ANKRD24: variants seen among roughly 807,000 people sequenced by gnomAD.
The protein encoded by ANKRD24 is ankyrin repeat domain-containing protein 24.
A neutral mutation model predicts 127.8 loss-of-function variants in ANKRD24; 109 were observed. The observed-to-expected ratio is 0.85, with a 90% confidence interval of 0.73 to 1.00. The LOEUF (loss-of-function observed/expected upper bound fraction) is 1.00. Among genes scored for constraint, ANKRD24 ranks in the 50% least tolerant of loss-of-function variants. The pLI is 0.00. For missense variants in ANKRD24, 1,648 were observed against 1,570.2 expected (o/e 1.05, Z -0.84); for synonymous variants, 743 against 671.1 (o/e 1.11, Z -1.66).
rs557990114 is a variant in ANKRD24 at position 4,216,824 on chromosome 19, A to C, written c.1664A>C (p.Lys555Thr). ...ELNGSVAPET[K>T]VNGAETIDEE... ...AATGGCTCAGTGGCTCCAGAAACCA[A>C]AGTTAACGGAGCCGAGACCATAGAT... Residue 555 changes from lysine (K) to threonine (T), a missense_variant, in exon 18 of 22, where the codon AAA becomes ACA. Coordinates refer to ENST00000318934, the MANE Select transcript of ANKRD24 (RefSeq NM_001393985.1). 2 of 1,608,528 alleles carry C rather than the reference A, an allele frequency of 1.2e-6. No homozygotes were observed. Among genetic ancestry groups the C allele is most frequent in the African/African-American group, 1.3e-5 (1 of 74,918 alleles).
At chr19:4,207,746 G>A (rs1409138321) in intron 9 of ANKRD24, 35 bp from the exon 10 acceptor site, 1 of 1,567,510 alleles carries the variant, frequency 6.4e-7, no homozygotes, top group Non-Finnish European at 8.7e-7. Context: ...CTTGGGGGAT[G>A]TTCTCATCTC....
rs117198027 is a variant in ANKRD24 at position 4,208,791 on chromosome 19, C to T, written c.860C>T (p.Ala287Val). Residue 287 changes from alanine to valine, a missense_variant, in exon 11 of 22, where the codon GCG (alanine) becomes GTG (valine). Ala to Val is a moderately conservative substitution (Grantham distance 64, BLOSUM62 0). Coordinates refer to ENST00000318934, the MANE Select transcript of ANKRD24 (RefSeq NM_001393985.1). Reference sequence around the variant, plus strand: ...CTCACAGAGGATGATTCAGGCGAGGCGTCATCTCAGGTATGGACCCCTAAG... The same window carrying T: ...CTCACAGAGGATGATTCAGGCGAGGTGTCATCTCAGGTATGGACCCCTAAG... ...SALTEDDSGE[A>V]SSQNSMSSHG... The T allele has an allele frequency of 0.023, 37,317 of 1,612,902 alleles. 492 individuals are homozygous for T. Among genetic ancestry groups the T allele is most frequent in the Non-Finnish European group, 0.027 (31,550 of 1,179,310 alleles).
Position 4,198,464 on chromosome 19 carries a change from G to GCACCCCC in ANKRD24, c.37-1218_37-1217insACCCCCC, listed in dbSNP as rs1968894620. ...CCGCCGCCTCCTCTTGGAACCCCGTGCGCCCCCCGCGCCCCGCGCCCCGGA... is the reference window on the plus strand; with the variant it reads ...CCGCCGCCTCCTCTTGGAACCCCGTGCACCCCCCGCCCCCCGCGCCCCGCGCCCCGGA... On this transcript the variant is annotated intron_variant, in intron 2 of 21. Coordinates refer to ENST00000318934, the MANE Select transcript of ANKRD24 (RefSeq NM_001393985.1). The surrounding 1 kb of genome is among the most constrained non-coding windows in gnomAD (Gnocchi z 6.1). 6.5e-6 allele frequency: 4 copies of GCACCCCC among 616,080 alleles called. No individual in the cohort carries two copies. Among genetic ancestry groups the GCACCCCC allele is most frequent in the South Asian group, 3.4e-5 (2 of 58,096 alleles). The allele number at this position is 616,080 out of a possible 1,614,324, so 38.2% of individuals were successfully genotyped here.
chr19:4,217,889 G>A lies in ANKRD24; in HGVS notation c.2729G>A (p.Arg910His), dbSNP rs1407278495. The A allele has an allele frequency of 1.4e-6, 2 of 1,471,530 alleles. No individual in the cohort carries two copies. Among genetic ancestry groups the A allele is most frequent in the South Asian group, 1.3e-5 (1 of 76,958 alleles). The allele number at this position is 1,471,530 out of a possible 1,614,324, so 91.2% of individuals were successfully genotyped here. The change falls in exon 18 of 22, where the codon CGC becomes CAC. Residue 910 changes from arginine to histidine, a missense_variant. Arg to His is a conservative substitution (Grantham distance 29). Transcript: ENST00000318934. Reference sequence around the variant, plus strand: ...CTGCGGGAGGCCTCCGAGGCCCTCCGCCAGTCCGTGGTGCCGGCCTCTGAG... The same window carrying A: ...CTGCGGGAGGCCTCCGAGGCCCTCCACCAGTCCGTGGTGCCGGCCTCTGAG... The part of the protein sequence containing the change: ...AELREASEAL[R>H]QSVVPASEHR...
chr19:4,217,948 C>T lies in ANKRD24; in HGVS notation c.2788C>T (p.Arg930Trp), dbSNP rs571444889. 1.5e-5 allele frequency: 22 copies of T among 1,506,472 alleles called. No homozygotes were observed. The African/African-American group carries it at 2.3e-4, about 16-fold the overall frequency. The allele number at this position is 1,506,472 out of a possible 1,614,324, so 93.3% of individuals were successfully genotyped here. ...RRLQEEALEL[R>W]GRAASLEQEV... ...GCTGCAGGAGGAGGCCCTGGAGCTGCGGGGCCGGGCAGCCAGTCTGGAGCA... is the reference window on the plus strand; with the variant it reads ...GCTGCAGGAGGAGGCCCTGGAGCTGTGGGGCCGGGCAGCCAGTCTGGAGCA... The change falls in exon 18 of 22, where the codon CGG (arginine) becomes TGG (tryptophan). Residue 930 changes from arginine (R) to tryptophan (W), a missense_variant. By Grantham distance (101) the Arg-to-Trp change is moderately radical (BLOSUM62 -3). Coordinates refer to ENST00000318934, the MANE Select transcript of ANKRD24 (RefSeq NM_001393985.1).
At chr19:4,191,674 G>A (rs1431182905) in intron 2 of ANKRD24, among the ~76,000 whole-genome samples, 1 of 151,570 alleles carries the variant, frequency 6.6e-6, no homozygotes, top group Non-Finnish European at 1.5e-5. Context: ...TAGAGACGGG[G>A]TTTCATCATG....
chr19:4,183,477 G>C, intron 1 of ANKRD24: 2 of 414,638 alleles, frequency 4.8e-6, no homozygotes, highest in Non-Finnish European at 6.5e-6. Context: ...CATGTGACCA[G>C]GTAATGGTGA....
Position 4,217,633 on chromosome 19 carries a change from G to A in ANKRD24, c.2473G>A (p.Ala825Thr). 3 of 1,287,170 alleles carry A rather than the reference G, an allele frequency of 2.3e-6. No individual in the cohort carries two copies. The highest frequency in any genetic ancestry group is 2.9e-6 in the Non-Finnish European group (3 of 1,020,904). 79.7% of individuals were successfully genotyped at this position (1,287,170 alleles called of 1,614,324 possible). The change falls in exon 18 of 22, where the codon GCG becomes ACG. Residue 825 changes from alanine to threonine, a missense_variant. By Grantham distance (58) the Ala-to-Thr change is moderately conservative (BLOSUM62 0). Coordinates refer to ENST00000318934, the MANE Select transcript of ANKRD24 (RefSeq NM_001393985.1). ...TGAGGCTCGGGCCAGCCGGCTGCTG[G>A]CGGAGGAGGAGGCGCGGGGCCTGCG... ...LDEARASRLLAEEEARGLRAE... is the reference protein window; with the variant it reads ...LDEARASRLLTEEEARGLRAE...
At chr19:4,189,243 CT>C (rs398033749) in intron 2 of ANKRD24, among the ~76,000 whole-genome samples, 225 of 73,942 alleles carry the variant, frequency 3.0e-3, no homozygotes, top group African/African-American at 9.7e-3. Context: ...TTTCTTTCTT[CT>C]TTTTTTTTTT....
rs948661437 is a variant in ANKRD24 at position 4,217,095 on chromosome 19, AAAAGCAGAG to A, written c.1936_1944del (p.Lys646_Glu648del). Reference sequence around the variant, plus strand: ...CCATGGGGGTGGAGGCCACAAAAACAAAAGCAGAGGAAGCAGAAATGCAGGCCTACGGAG... The same window carrying A: ...CCATGGGGGTGGAGGCCACAAAAACAGAAGCAGAAATGCAGGCCTACGGAG... On this transcript the variant is annotated inframe_deletion, in exon 18 of 22. Coordinates refer to ENST00000318934, the MANE Select transcript of ANKRD24 (RefSeq NM_001393985.1). The A allele has an allele frequency of 6.2e-7, 1 of 1,613,782 alleles. No individual in the cohort carries two copies.
Position 4,217,130 on chromosome 19 carries a change from T to G in ANKRD24, c.1970T>G (p.Val657Gly). 6.2e-7 allele frequency: 1 copy of G among 1,612,048 alleles called. No homozygotes were observed. Among genetic ancestry groups the G allele is most frequent in the South Asian group, 1.1e-5 (1 of 90,938 alleles). Residue 657 changes from valine (V) to glycine (G), a missense_variant, in exon 18 of 22, where the codon GTG becomes GGG. Transcript: ENST00000318934. ...GAAGCAGAAATGCAGGCCTACGGAGTGGGTGCTGGGCAAGCAGAGCCCCCA... is the reference window on the plus strand; with the variant it reads ...GAAGCAGAAATGCAGGCCTACGGAGGGGGTGCTGGGCAAGCAGAGCCCCCA... ...AEEAEMQAYG[V>G]GAGQAEPPVT...
rs1011098183 is a variant in ANKRD24 at position 4,198,085 on chromosome 19, G to A, written c.37-1598G>A. 1 of 449,648 alleles carries A rather than the reference G, an allele frequency of 2.2e-6. No individual in the cohort carries two copies. Among genetic ancestry groups the A allele is most frequent in the Non-Finnish European group, 4.0e-6 (1 of 251,970 alleles). The allele number at this position is 449,648 out of a possible 1,614,324, so 27.9% of individuals were successfully genotyped here. ...ACGTCGCGGGCCCGGAGGCACCTGC[G>A]CGCCCTTGGCCGACTCGGAGGAGGT... On this transcript the variant is annotated intron_variant, in intron 2 of 21. Coordinates refer to ENST00000318934, the MANE Select transcript of ANKRD24 (RefSeq NM_001393985.1). The surrounding 1 kb of genome is among the most constrained non-coding windows in gnomAD (Gnocchi z 6.1).
intron 5 of ANKRD24, among the ~76,000 whole-genome samples, chr19:4,200,377 G>C (rs992543894): frequency 6.6e-6 from 1 of 152,172 alleles, no homozygotes; most frequent in Admixed American, 6.6e-5. Flanking sequence ...GGCTGGCACC[G>C]AGCAAAGCCA....
At chr19:4,190,161 C>T (rs1968301865) in intron 2 of ANKRD24, among the ~76,000 whole-genome samples, 1 of 152,136 alleles carries the variant, frequency 6.6e-6, no homozygotes, top group African/African-American at 2.4e-5. Context: ...ATAGGCTGGG[C>T]GTGGTGGCTC....
At chr19:4,213,750 G>A (rs568461994) in intron 15 of ANKRD24, among the ~76,000 whole-genome samples, 11 of 152,066 alleles carry the variant, frequency 7.2e-5, no homozygotes, top group Non-Finnish European at 1.5e-4. Context: ...CCTGCCTACC[G>A]CAGCCTCCCG....
rs72980936 is a variant in ANKRD24 at position 4,210,385 on chromosome 19, C to T, written c.1059+13C>T. 631,720 of 1,530,828 alleles carry T rather than the reference C, an allele frequency of 0.41. 131,989 individuals are homozygous for T. Among genetic ancestry groups the T allele is most frequent in the Non-Finnish European group, 0.43 (492,034 of 1,139,156 alleles). The allele number at this position is 1,530,828 out of a possible 1,614,324, so 94.8% of individuals were successfully genotyped here. ...GAGGCAGCAGGAGGTTAGGAGGCCT[C>T]GGAGATTTGGGCGTGGGCCAGCCTG... is the stretch of plus-strand genomic sequence containing the variant. On this transcript the variant is annotated intron_variant, in intron 13 of 21. Coordinates refer to ENST00000318934, the MANE Select transcript of ANKRD24 (RefSeq NM_001393985.1).
Position 4,217,049 on chromosome 19 carries a change from CAG to C in ANKRD24, c.1893_1894del (p.Glu631AspfsTer47). On this transcript the variant is annotated frameshift_variant, in exon 18 of 22. Transcript: ENST00000318934. LOFTEE classifies it high-confidence loss of function. ...CCCACAGGAGCTCAGGCCACAGACA[CAG>C]AGACCACGGGAGTGGAGGCCATGGG... is the stretch of plus-strand genomic sequence containing the variant. 3 of 1,613,922 alleles carry C rather than the reference CAG, an allele frequency of 1.9e-6. No homozygotes were observed. Among genetic ancestry groups the C allele is most frequent in the Non-Finnish European group, 2.5e-6 (3 of 1,179,888 alleles).
intron 7 of ANKRD24, among the ~76,000 whole-genome samples, chr19:4,203,711 A>G (rs1425399689): frequency 1.3e-5 from 2 of 151,410 alleles, no homozygotes; most frequent in African/African-American, 4.9e-5. Flanking sequence ...CAATGGCGCA[A>G]TCTTGGCTCA....
At chr19:4,190,396 C>T (rs1315780204) in intron 2 of ANKRD24, among the ~76,000 whole-genome samples, 1 of 149,674 alleles carries the variant, frequency 6.7e-6, no homozygotes, top group Non-Finnish European at 1.5e-5. Context: ...TGCACTCCAG[C>T]CTGGGCAACA....
Sources: allele counts gnomAD v4.1 joint callset (sites outside exome capture counted in the v4.1 genomes callset), GRCh38; gene constraint gnomAD v4.1.1; non-coding constraint Gnocchi (gnomAD v3.1); transcripts MANE v1.5; gene names NCBI Gene and HGNC (gene_info 2026-07-23, HGNC 2026-07-21).